Variants in INTS1 observed in about 807,000 individuals in gnomAD.
INTS1 encodes the protein integrator complex subunit 1.
A neutral mutation model predicts 241.6 loss-of-function variants in INTS1; 137 were observed. The ratio of observed to expected loss-of-function variants is 0.57; its 90% CI spans 0.49 to 0.65. INTS1 has a LOEUF of 0.65. Ranked by LOEUF, INTS1 falls within the 30% of genes least tolerant of loss-of-function variation. The pLI, the probability that INTS1 is intolerant of heterozygous loss-of-function variation, is 0.00. For missense variants in INTS1, 3,073 were observed against 3,032.2 expected, an observed-to-expected ratio of 1.01 and a Z score of -0.32; for synonymous variants, 1,692 against 1,337.8, an observed-to-expected ratio of 1.26 and a Z score of -5.78.
chr7:1,484,035 G>C lies in INTS1; in HGVS notation c.3397C>G (p.Gln1133Glu). The stretch of plus-strand genomic sequence containing the variant: ...TAGACCTCCTCGCCCTCCTTGCTCT[G>C]CCGCATGCGCCTCACGTAGCGTGAG... ...IFSRYVRRMR[Q>E]SKEGEEVYSW... is the part of the protein sequence containing the mutation. Residue 1133 changes from glutamine to glutamate, a missense_variant, in exon 25 of 48, where the codon CAG (glutamine) becomes GAG (glutamate). Transcript: ENST00000404767. 1 of 1,611,190 alleles carries C rather than the reference G, an allele frequency of 6.2e-7. No individual in the cohort carries two copies. Among genetic ancestry groups the C allele is most frequent in the Non-Finnish European group, 8.5e-7 (1 of 1,179,152 alleles).
chr7:1,498,211 C>T lies in INTS1; in HGVS notation c.1425+201G>A, dbSNP rs1158206910. The T allele has an allele frequency of 2.3e-5, 17 of 742,972 alleles. 1 individual carries two copies. The highest frequency in any genetic ancestry group is 1.3e-4 in the South Asian group (7 of 53,726). The allele number at this position is 742,972 out of a possible 1,614,324, so 46.0% of individuals were successfully genotyped here. On this transcript the variant is annotated intron_variant, in intron 10 of 47. Transcript: ENST00000404767. Reference sequence around the variant, plus strand: ...ACAGAGTGTCAGTTTCTGAGAAAGACGCTGGGCGCTGTGGCTGCACCCACT... The same window carrying T: ...ACAGAGTGTCAGTTTCTGAGAAAGATGCTGGGCGCTGTGGCTGCACCCACT...
In INTS1 at chr7:1,499,101, C is replaced by G. The variant is rs372013970; in HGVS notation, c.1011G>C (p.Leu337=). The change falls in exon 8 of 48, where the codon CTG becomes CTC. Residue 337 remains leucine (L), a synonymous_variant. Transcript: ENST00000404767. ...CGTTGTCGATGGGCTGGCGCCGGTT[C>G]AGCTGGTCCCGCAGCATGTCCAGGA... ...EYVLDMLRDQ[L]NRRQPIDNVS... is the part of the protein sequence containing the mutation. The G allele has an allele frequency of 7.7e-5, 124 of 1,611,006 alleles. 3 individuals carry two copies. The African/African-American group carries it at 1.1e-3, about 15-fold the overall frequency.
intron 44 of INTS1, 167 bp downstream of exon 44, chr7:1,472,106 C>T (rs1437219263): frequency 1.8e-5 from 11 of 610,878 alleles, no homozygotes; most frequent in Non-Finnish European, 2.9e-5. Flanking sequence ...GTTTCTAAGG[C>T]CCTCTCTGGG....
intron 11 of INTS1, among the ~76,000 whole-genome samples, chr7:1,496,547 CAT>C (rs916163007): frequency 1.3e-5 from 2 of 152,246 alleles, no homozygotes; most frequent in African/African-American, 4.8e-5. Flanking sequence ...CATGCGCACA[CAT>C]ACACACACAC....
At chr7:1,502,298 G>A (rs187080663) in intron 3 of INTS1, among the ~76,000 whole-genome samples, 30 of 152,244 alleles carry the variant, frequency 2.0e-4, no homozygotes, top group Non-Finnish European at 3.4e-4. Flanking sequence ...AGGGAGTCAC[G>A]GAGCCTTGAG....
At chr7:1,474,970 G>A (rs867197396) in intron 39 of INTS1, 132 bp from the exon 40 acceptor site, 30 of 1,226,716 alleles carry the variant, frequency 2.4e-5, no homozygotes, top group African/African-American at 2.0e-4. Context: ...GGCTCCTTAC[G>A]GCTTCCATGA....
chr7:1,499,199 C>G, intron 7 of INTS1, 38 bp from the exon 8 acceptor site: 2 of 1,603,352 alleles, frequency 1.2e-6, no homozygotes, highest in Non-Finnish European at 1.7e-6. Context: ...AGGAAGGTGG[C>G]CCCGAGGCGC....
In INTS1 at chr7:1,478,161, T is replaced by C. The variant is rs61579691; in HGVS notation, c.4630+205A>G. On this transcript the variant is annotated intron_variant, in intron 33 of 47. Coordinates refer to ENST00000404767, the MANE Select transcript of INTS1 (RefSeq NM_001080453.3). ...GGGCTCACTTTGCTGGGTGCAGCAG[T>C]GATCAGGGGCCCCCCAAGGAGGAAG... Among the ~76,000 whole-genome samples, 1,073 of 151,858 alleles carry C rather than the reference T, an allele frequency of 7.1e-3. 8 individuals carry two copies. The highest frequency in any genetic ancestry group is 0.021 in the African/African-American group (866 of 41,490).
At position 1,502,615 on chromosome 7, in the gene INTS1, G is replaced by A. The variant is rs144552580; in HGVS notation, c.349+286C>T. Among the ~76,000 whole-genome samples the A allele has an allele frequency of 4.3e-4, 66 of 152,308 alleles. 1 individual carries two copies. In the East Asian group the frequency reaches 0.012, roughly 27 times the overall value. On this transcript the variant is annotated intron_variant, in intron 3 of 47. Transcript: ENST00000404767. ...CCGGTTTACCCCCAGGGCTCAGACA[G>A]TGCCCGTCACAAAGGGGGCGTCCAA...
chr7:1,496,058 G>A (rs746514254), intron 12 of INTS1, 98 bp downstream of exon 12: 21 of 869,688 alleles, frequency 2.4e-5, no homozygotes, highest in Non-Finnish European at 3.1e-5. Context: ...CGCTCCTGCC[G>A]GGCGCTCAGG....
chr7:1,479,725 A>G (rs9692164), intron 30 of INTS1, 41 bp from the exon 31 acceptor site: 606,791 of 1,420,952 alleles, frequency 0.43, 123,531 homozygotes, highest in African/African-American at 0.75. Flanking sequence ...AGCGGAGGAG[A>G]AGGAGGAGGA....
chr7:1,494,265 C>T (rs1411460935), intron 14 of INTS1, among the ~76,000 whole-genome samples: 1 of 152,220 alleles, frequency 6.6e-6, no homozygotes, highest in African/African-American at 2.4e-5. Context: ...ACAGAGATAA[C>T]CCCTACACCT....
intron 41 of INTS1, 148 bp from the exon 42 acceptor site, chr7:1,473,841 G>A (rs1368710457): frequency 2.9e-6 from 3 of 1,042,404 alleles, no homozygotes; most frequent in Admixed American, 4.5e-5. Flanking sequence ...ACAGGCCCAA[G>A]GGTGGCCGGC....
At chr7:1,504,185 C>T in intron 1 of INTS1, 138 bp downstream of exon 1, 2 of 536,814 alleles carry the variant, frequency 3.7e-6, no homozygotes, top group Non-Finnish European at 6.5e-6. Context: ...GCGGCTCAGT[C>T]GGGCGGCAGC....
Position 1,480,846 on chromosome 7 carries a change from G to A in INTS1, c.3938C>T (p.Pro1313Leu), listed in dbSNP as rs868084562. 38 of 1,552,148 alleles carry A rather than the reference G, an allele frequency of 2.4e-5. No homozygotes were observed. The highest frequency in any genetic ancestry group is 1.1e-4 in the African/African-American group (8 of 73,234). Residue 1313 changes from proline to leucine, a missense_variant, in exon 29 of 48, where the codon CCG (proline) becomes CTG (leucine). Pro to Leu is a moderately conservative substitution (Grantham distance 98, BLOSUM62 -3). Transcript: ENST00000404767. ...CCCCTCCCCAGTACCTCGGCGGGGCGGCAGGGAGGCTGTGAGCAAGGAGTG... is the reference window on the plus strand; with the variant it reads ...CCCCTCCCCAGTACCTCGGCGGGGCAGCAGGGAGGCTGTGAGCAAGGAGTG... ...TFHSLLTASL[P>L]PRRDSTEAPK...
intron 32 of INTS1, 88 bp downstream of exon 32, chr7:1,478,638 G>T: frequency 2.0e-6 from 3 of 1,486,848 alleles, no homozygotes; most frequent in Middle Eastern, 2.4e-4. Context: ...CCACTGCCCA[G>T]GCCTCGGGGT....
rs759905181 is a variant in INTS1, at chr7:1,483,700, C to G, written c.3541+42G>C. 4.0e-6 allele frequency: 6 copies of G among 1,515,258 alleles called. No individual in the cohort carries two copies. The African/African-American group carries it at 5.5e-5, about 14-fold the overall frequency. 93.9% of individuals were successfully genotyped at this position (1,515,258 alleles called of 1,614,324 possible). A position where few individuals can be genotyped will look rare whatever the true frequency, so the allele number is the denominator to read the frequency against. On this transcript the variant is annotated intron_variant, in intron 26 of 47. Transcript: ENST00000404767. ...TGGGTGTGGTCAGGGCTGTGGCCCA[C>G]CTGGCACGAAGCTGCCCCTCCCGGG...
In INTS1 at chr7:1,470,421, G is replaced by T; in HGVS notation, c.*156C>A. On this transcript the variant is annotated 3_prime_UTR_variant, in exon 48 of 48. Transcript: ENST00000404767. ...AGCGGCCGGCCCGGAGCCACCCCAG[G>T]GCTCGGAGTATTGCTCCTGGGCCTG... The T allele has an allele frequency of 1.8e-6, 1 of 562,696 alleles. No individual in the cohort carries two copies. Among genetic ancestry groups the T allele is most frequent in the Non-Finnish European group, 3.0e-6 (1 of 330,316 alleles). 34.9% of individuals were successfully genotyped at this position (562,696 alleles called of 1,614,324 possible).
chr7:1,480,769 GTC>G, intron 29 of INTS1, 64 bp downstream of exon 29: 5 of 1,302,208 alleles, frequency 3.8e-6, no homozygotes, highest in Non-Finnish European at 5.4e-6. Context: ...CCCAGGCTGG[GTC>G]TCTGTGTTGG....
Sources: allele counts gnomAD v4.1 joint callset (sites outside exome capture counted in the v4.1 genomes callset), GRCh38; gene constraint gnomAD v4.1.1; transcripts MANE v1.5; gene names NCBI Gene and HGNC (gene_info 2026-07-23, HGNC 2026-07-21).